TRIO: variants seen among roughly 807,000 people sequenced by gnomAD.
TRIO encodes the protein triple functional domain protein.
Under a neutral mutation model 351.9 loss-of-function variants are expected in TRIO, and 58 were observed. The ratio of observed to expected loss-of-function variants is 0.16; its 90% CI spans 0.13 to 0.21. The LOEUF (loss-of-function observed/expected upper bound fraction) is 0.21. Among genes scored for constraint, TRIO ranks in the 10% least tolerant of loss-of-function variants. The pLI, the probability that TRIO is intolerant of heterozygous loss-of-function variation, is 1.00. For missense variants in TRIO, 3,201 were observed against 4,027.8 expected (o/e 0.79, Z 5.56); for synonymous variants, 1,758 against 1,595.7 (o/e 1.10, Z -2.42).
intron 9 of TRIO, among the ~76,000 whole-genome samples, chr5:14,322,773 C>A (rs185515198): frequency 4.9e-4 from 75 of 152,324 alleles, no homozygotes; most frequent in African/African-American, 1.7e-3. Flanking sequence ...GTTTACACTC[C>A]AGCACTCGCA....
chr5:14,351,251 C>G (rs938889072), intron 11 of TRIO, among the ~76,000 whole-genome samples: 4 of 152,222 alleles, frequency 2.6e-5, no homozygotes, highest in Non-Finnish European at 5.9e-5. Context: ...ACCCACAGTA[C>G]AGTTCGTCAT....
chr5:14,504,984 G>A (rs1009681560), intron 55 of TRIO, among the ~76,000 whole-genome samples: 3 of 151,786 alleles, frequency 2.0e-5, no homozygotes, highest in South Asian at 2.1e-4. Context: ...AGCTCACCCC[G>A]GATCAGCGGG....
At chr5:14,336,990 G>A (rs940368898) in intron 11 of TRIO, among the ~76,000 whole-genome samples, 6 of 152,144 alleles carry the variant, frequency 3.9e-5, no homozygotes, top group African/African-American at 9.7e-5. Flanking sequence ...GACAGAGAAC[G>A]TCCATTTCTA....
chr5:14,250,186 C>G (rs1794658348), intron 1 of TRIO, among the ~76,000 whole-genome samples: 1 of 152,228 alleles, frequency 6.6e-6, no homozygotes, highest in African/African-American at 2.4e-5. Flanking sequence ...CACAGTTCAT[C>G]TTTGCACAAA....
chr5:14,398,622 T>G (rs1176130891), intron 29 of TRIO, among the ~76,000 whole-genome samples: 1 of 152,018 alleles, frequency 6.6e-6, no homozygotes, highest in East Asian at 1.9e-4. Context: ...ACCAGAGGGA[T>G]AGAACTCAAA....
chr5:14,170,974 A>G (rs189159142), intron 1 of TRIO, among the ~76,000 whole-genome samples: 23 of 152,332 alleles, frequency 1.5e-4, no homozygotes, highest in Non-Finnish European at 3.1e-4. Flanking sequence ...AATATTAACA[A>G]TGTATAAGTA....
rs775000376 is a variant in TRIO at position 14,297,115 on chromosome 5, G to A, written c.1220G>A (p.Arg407His). 3 of 1,614,064 alleles carry A rather than the reference G, an allele frequency of 1.9e-6. No homozygotes were observed. Among genetic ancestry groups the A allele is most frequent in the Non-Finnish European group, 1.7e-6 (2 of 1,179,948 alleles). ...NINRIMSVAN[R>H]LVESGHYASQ... ...AACCGCATCATGTCGGTGGCCAATC[G>A]TCTGGTGGAGTCTGGCCACTATGCC... Residue 407 changes from arginine to histidine, a missense_variant, in exon 7 of 57, where the codon CGT (arginine) becomes CAT (histidine). This residue lies in a region of TRIO where 349 missense variants were observed against 449.3 expected (regional missense o/e 0.78). Coordinates refer to ENST00000344204, the MANE Select transcript of TRIO (RefSeq NM_007118.4).
At chr5:14,490,936 G>C in intron 48 of TRIO, 1 of 443,336 alleles carries the variant, frequency 2.3e-6, no homozygotes, top group Non-Finnish European at 4.5e-6. Context: ...GCATAAATGA[G>C]TATGCACAAG....
At chr5:14,482,866 C>A in intron 46 of TRIO, 93 bp downstream of exon 46, 1 of 1,216,412 alleles carries the variant, frequency 8.2e-7, no homozygotes, top group Non-Finnish European at 1.1e-6. Context: ...TACCCTGATG[C>A]TTCGTTTAAG....
intron 1 of TRIO, among the ~76,000 whole-genome samples, chr5:14,150,756 G>A (rs188714409): frequency 1.3e-5 from 2 of 152,150 alleles, no homozygotes; most frequent in Non-Finnish European, 2.9e-5. Context: ...AATTTGGAAA[G>A]ATTTTATATC....
chr5:14,157,452 CCT>C (rs764781048), intron 1 of TRIO, among the ~76,000 whole-genome samples: 38 of 143,736 alleles, frequency 2.6e-4, no homozygotes, highest in South Asian at 6.9e-4. Context: ...CCTCTCTCTC[CCT>C]GTCTCCCTCT....
intron 31 of TRIO, 79 bp from the exon 32 acceptor site, chr5:14,405,769 G>A: frequency 3.4e-6 from 5 of 1,474,122 alleles, no homozygotes; most frequent in Non-Finnish European, 3.6e-6. Flanking sequence ...CTCAAGGAAT[G>A]CAGGAAACCT....
intron 1 of TRIO, among the ~76,000 whole-genome samples, chr5:14,212,408 A>G (rs1791963400): frequency 6.6e-6 from 1 of 152,130 alleles, no homozygotes; most frequent in African/African-American, 2.4e-5. Flanking sequence ...ACTCCAGCCA[A>G]CTTCTGTGAA....
intron 54 of TRIO, among the ~76,000 whole-genome samples, chr5:14,504,058 G>A (rs1005827840): frequency 7.9e-5 from 12 of 152,238 alleles, no homozygotes; most frequent in African/African-American, 2.4e-4. Context: ...GCTTCTGCTC[G>A]TCGTGGGAAG....
intron 34 of TRIO, among the ~76,000 whole-genome samples, chr5:14,421,216 A>ATTTT (rs1750104082): frequency 1.5e-5 from 2 of 135,932 alleles, no homozygotes; most frequent in Non-Finnish European, 3.1e-5. Flanking sequence ...CCCTTATTTA[A>ATTTT]TTATTTATTT....
At chr5:14,492,927 G>A in intron 49 of TRIO, 113 bp downstream of exon 49, 3 of 1,480,054 alleles carry the variant, frequency 2.0e-6, no homozygotes, top group East Asian at 2.4e-5. Flanking sequence ...ATCTGCGCTG[G>A]TATGTTAGAA....
At chr5:14,153,990 G>A (rs1787966876) in intron 1 of TRIO, among the ~76,000 whole-genome samples, 1 of 152,132 alleles carries the variant, frequency 6.6e-6, no homozygotes, top group African/African-American at 2.4e-5. Flanking sequence ...TAGTTTCTGT[G>A]CCTTTCCTCT....
rs577419261 is a variant in TRIO at position 14,393,262 on chromosome 5, A to C, written c.4219-776A>C. On this transcript the variant is annotated intron_variant, in intron 27 of 56. Coordinates refer to ENST00000344204, the MANE Select transcript of TRIO (RefSeq NM_007118.4). ...CTGTCGGGGGGTGGGGGTCTAGGAG[A>C]GGGATAGCATTAGAAGAAATACCTA... Among the ~76,000 whole-genome samples the C allele has an allele frequency of 1.1e-4, 17 of 152,132 alleles. No individual in the cohort carries two copies. The South Asian group carries it at 3.3e-3, about 30-fold the overall frequency.
chr5:14,397,205 C>G (rs1561439592), intron 29 of TRIO, 51 bp downstream of exon 29: 1 of 1,435,496 alleles, frequency 7.0e-7, no homozygotes. Context: ...TCTAATGACA[C>G]TGTTTGTAAA....
Sources: allele counts gnomAD v4.1 joint callset (sites outside exome capture counted in the v4.1 genomes callset), GRCh38; gene constraint gnomAD v4.1.1; regional missense constraint gnomAD v4.1.1; transcripts MANE v1.5; gene names NCBI Gene and HGNC (gene_info 2026-07-23, HGNC 2026-07-21).